MCTP1: variants seen among roughly 807,000 people sequenced by gnomAD.
MCTP1 encodes the protein multiple C2 and transmembrane domain-containing protein 1.
MCTP1 carries 69 observed loss-of-function variants against 120.6 expected under a neutral mutation model. That is an observed-to-expected ratio of 0.57 (90% confidence interval 0.47 to 0.70). The LOEUF (loss-of-function observed/expected upper bound fraction) is 0.70, where lower values mean the gene tolerates loss of function less well. Among genes scored for constraint, MCTP1 ranks in the 30% least tolerant of loss-of-function variants. The probability of loss-of-function intolerance (pLI) is 0.00; values close to 1 mark genes in which losing one functional copy is unlikely to be tolerated. For synonymous variants in MCTP1, 529 were observed against 493.1 expected (o/e 1.07, Z -0.96); for missense variants, 1,203 against 1,248.8 (o/e 0.96, Z 0.55).
At chr5:95,042,752 A>G (rs1296778090) in intron 1 of MCTP1, among the ~76,000 whole-genome samples, 1 of 152,192 alleles carries the variant, frequency 6.6e-6, no homozygotes, top group African/African-American at 2.4e-5. Context: ...ACTGTCAATC[A>G]CCTTGCCTTT....
chr5:94,929,692 C>T, intron 6 of MCTP1: 1 of 985,128 alleles, frequency 1.0e-6, no homozygotes, highest in Non-Finnish European at 1.2e-6. Flanking sequence ...TTCAATGTAG[C>T]AGAGTGTGTG....
In MCTP1 at chr5:95,284,599, C is replaced by A; in HGVS notation, c.-24G>T. ...ATCCTCCACCCCCTGCTCCTCCTCT[C>A]CCCTCCTCCTCCTCCTCCTCCTCCT... On this transcript the variant is annotated 5_prime_UTR_variant, in exon 1 of 23. Transcript: ENST00000515393. The surrounding 1 kb of genome is among the most constrained non-coding windows in gnomAD (Gnocchi z 5.2). The A allele has an allele frequency of 7.2e-7, 1 of 1,395,012 alleles. No individual in the cohort carries two copies. The highest frequency in any genetic ancestry group is 2.9e-5 in the East Asian group (1 of 34,134). The allele number at this position is 1,395,012 out of a possible 1,614,324, so 86.4% of individuals were successfully genotyped here. A position where few individuals can be genotyped will look rare whatever the true frequency, so the allele number is the denominator to read the frequency against.
At chr5:95,080,756 ATTCTCTATCCACAGGT>A (rs1754744455) in intron 1 of MCTP1, among the ~76,000 whole-genome samples, 1 of 152,196 alleles carries the variant, frequency 6.6e-6, no homozygotes, top group Non-Finnish European at 1.5e-5. Context: ...CCTCTCATTC[ATTCTCTATCCACAGGT>A]TTCTCTAGCC....
chr5:95,150,343 T>C (rs997391444), intron 1 of MCTP1, among the ~76,000 whole-genome samples: 1 of 152,210 alleles, frequency 6.6e-6, no homozygotes, highest in Admixed American at 6.5e-5. Flanking sequence ...ACTTTTGCTG[T>C]TATGGAGCCA....
intron 12 of MCTP1, among the ~76,000 whole-genome samples, chr5:94,886,645 C>G (rs1222237205): frequency 3.3e-5 from 5 of 152,178 alleles, no homozygotes; most frequent in Non-Finnish European, 4.4e-5. Context: ...TCTACATCGA[C>G]AAAATTCCTA....
chr5:95,042,920 T>C (rs1842590249), intron 1 of MCTP1, among the ~76,000 whole-genome samples: 1 of 152,198 alleles, frequency 6.6e-6, no homozygotes, highest in Admixed American at 6.5e-5. Flanking sequence ...CCCCCACCCC[T>C]TTTATACTAT....
chr5:95,092,629 CTG>C (rs1486892439), intron 1 of MCTP1, among the ~76,000 whole-genome samples: 33 of 151,564 alleles, frequency 2.2e-4, no homozygotes, highest in Admixed American at 7.2e-4. Flanking sequence ...AAATATCACA[CTG>C]TACTCCATAA....
intron 1 of MCTP1, among the ~76,000 whole-genome samples, chr5:95,260,323 A>G (rs575996970): frequency 3.4e-4 from 52 of 152,224 alleles, no homozygotes; most frequent in South Asian, 6.2e-4. Context: ...GTCTATTCCT[A>G]TATGTTAGTT....
chr5:95,265,267 A>C lies in MCTP1; in HGVS notation c.720+18589T>G, dbSNP rs113184313. 6.5e-3 allele frequency among the ~76,000 whole-genome samples: 990 copies of C among 152,050 alleles called. 7 individuals are homozygous for C. Among genetic ancestry groups the C allele is most frequent in the African/African-American group, 0.023 (962 of 41,456 alleles). On this transcript the variant is annotated intron_variant, in intron 1 of 22. Coordinates refer to ENST00000515393, the MANE Select transcript of MCTP1 (RefSeq NM_024717.7). Reference sequence around the variant, plus strand: ...TCAGTCCAAGAGGTGTTCACATTCCACCCTCAGCTCTACCCAGCTTCCTTT... The same window carrying C: ...TCAGTCCAAGAGGTGTTCACATTCCCCCCTCAGCTCTACCCAGCTTCCTTT...
chr5:94,793,484 T>G (rs7712065), intron 18 of MCTP1: 4 of 152,104 alleles, frequency 2.6e-5, no homozygotes, highest in African/African-American at 9.7e-5. Flanking sequence ...CATTTTTAGA[T>G]GTGTTTACAG....
intron 17 of MCTP1, among the ~76,000 whole-genome samples, chr5:94,817,919 C>T (rs185641646): frequency 3.9e-5 from 6 of 152,230 alleles, no homozygotes; most frequent in South Asian, 2.1e-4. Context: ...CTGGTGGTGC[C>T]GGTTCCACCC....
intron 1 of MCTP1, among the ~76,000 whole-genome samples, chr5:95,245,905 A>G (rs1345572847): frequency 6.6e-6 from 1 of 152,210 alleles, no homozygotes; most frequent in Non-Finnish European, 1.5e-5. Flanking sequence ...GAAATGAAGG[A>G]AAAAATGTTA....
chr5:95,080,066 A>G (rs1305097005), intron 1 of MCTP1, among the ~76,000 whole-genome samples: 1 of 152,178 alleles, frequency 6.6e-6, no homozygotes, highest in Non-Finnish European at 1.5e-5. Context: ...TCTCTTTTTC[A>G]AAGATAAGCT....
intron 17 of MCTP1, among the ~76,000 whole-genome samples, chr5:94,827,733 T>G (rs1030638434): frequency 6.6e-6 from 1 of 151,776 alleles, no homozygotes; most frequent in Non-Finnish European, 1.5e-5. Context: ...ATCTCTGATA[T>G]CCTTTCTTCT....
At chr5:95,201,360 A>G (rs1021627834) in intron 1 of MCTP1, among the ~76,000 whole-genome samples, 1 of 151,776 alleles carries the variant, frequency 6.6e-6, no homozygotes, top group Non-Finnish European at 1.5e-5. Flanking sequence ...GAAAAGCAGT[A>G]TGATAATACA....
intron 1 of MCTP1, among the ~76,000 whole-genome samples, chr5:95,241,867 C>A (rs2152680393): frequency 6.6e-6 from 1 of 152,164 alleles, no homozygotes; most frequent in South Asian, 2.1e-4. Flanking sequence ...TTCCGCAAAG[C>A]AAAATAGTCT....
At chr5:95,147,640 A>G (rs942103235) in intron 1 of MCTP1, among the ~76,000 whole-genome samples, 5 of 152,178 alleles carry the variant, frequency 3.3e-5, no homozygotes, top group African/African-American at 1.2e-4. Flanking sequence ...GTTGGGTCTT[A>G]TCTCTTTATC....
rs79773684 is a variant in MCTP1 at position 94,788,211 on chromosome 5, T to C, written c.2557-9048A>G. Among the ~76,000 whole-genome samples the C allele has an allele frequency of 5.1e-3, 779 of 152,344 alleles. 3 individuals are homozygous for C. Among genetic ancestry groups the C allele is most frequent in the African/African-American group, 0.018 (765 of 41,586 alleles). On this transcript the variant is annotated intron_variant, in intron 18 of 22. Transcript: ENST00000515393. Reference sequence around the variant, plus strand: ...AGAGTATACTAGTTTCTTTTTGTTGTATAATGAAGTAAATTCAGTAAGTAA... The same window carrying C: ...AGAGTATACTAGTTTCTTTTTGTTGCATAATGAAGTAAATTCAGTAAGTAA...
At chr5:94,963,352 C>CTATT (rs70978149) in intron 2 of MCTP1, among the ~76,000 whole-genome samples, 49,467 of 129,754 alleles carry the variant, frequency 0.38, 8,383 homozygotes, top group Middle Eastern at 0.45. Flanking sequence ...TATTGTAATT[C>CTATT]TATTTTTTTT....
Sources: gnomAD v4.1 joint callset for allele counts (sites outside exome capture counted in the v4.1 genomes callset) on GRCh38, gnomAD v4.1.1 for gene constraint, Gnocchi (gnomAD v3.1) non-coding constraint, MANE v1.5 for transcripts, NCBI Gene and HGNC (gene_info 2026-07-23, HGNC 2026-07-21) for gene names.